The following KCNH5 variants were observed in gnomAD, a reference collection of about 807,000 sequenced individuals.
The protein encoded by KCNH5 is voltage-gated delayed rectifier potassium channel KCNH5.
Under a neutral mutation model 96.1 loss-of-function variants are expected in KCNH5, and 46 were observed. The ratio of observed to expected loss-of-function variants is 0.48; its 90% CI spans 0.38 to 0.61. The LOEUF is 0.61. KCNH5 is among the 20% of genes least tolerant of loss of function. KCNH5 has a pLI of 0.00. For synonymous variants in KCNH5, 439 were observed against 449.8 expected (o/e 0.98, Z 0.30); for missense variants, 907 against 1,225.8 (o/e 0.74, Z 3.88).
chr14:62,707,743 T>G lies in KCNH5; in HGVS notation c.2732A>C (p.Gln911Pro), dbSNP rs1320491999. 6.2e-7 allele frequency: 1 copy of G among 1,613,154 alleles called. No homozygotes were observed. The highest frequency in any genetic ancestry group is 2.2e-5 in the East Asian group (1 of 44,812). ...IPEQALQTTL[Q>P]EVKHELKEDI... ...CTCTTTGAGTTCGTGTTTGACTTCC[T>G]GCAGTGTGGTCTGTAAGGCCTGCTC... The change falls in exon 11 of 11, where the codon CAG (glutamine) becomes CCG (proline). Residue 911 changes from glutamine to proline, a missense_variant. Coordinates refer to ENST00000322893, the MANE Select transcript of KCNH5 (RefSeq NM_139318.5).
chr14:62,949,926 T>C (rs1006919989), intron 7 of KCNH5: 3 of 518,360 alleles, frequency 5.8e-6, no homozygotes, highest in Admixed American at 3.3e-5. Context: ...CACATTAATA[T>C]GTTTTTCACA....
chr14:62,921,112 T>G (rs1036564679), intron 7 of KCNH5, among the ~76,000 whole-genome samples: 6 of 152,088 alleles, frequency 3.9e-5, no homozygotes, highest in African/African-American at 1.2e-4. Flanking sequence ...GTTGTAGAGC[T>G]GCAAAACGTG....
rs767049623 is a variant in KCNH5 at position 62,950,514 on chromosome 14, G to T, written c.988C>A (p.Arg330=). 2.5e-6 allele frequency: 4 copies of T among 1,604,842 alleles called. No individual in the cohort carries two copies. The highest frequency in any genetic ancestry group is 2.2e-5 in the South Asian group (2 of 90,990). ...FSSLKVVRLL[R]LGRVARKLDH... ...AGTTTCCTAGCCACACGGCCCAGTCGTAAGAGACGCACCACTTTTAAAGAA... is the reference window on the plus strand; with the variant it reads ...AGTTTCCTAGCCACACGGCCCAGTCTTAAGAGACGCACCACTTTTAAAGAA... Residue 330 remains arginine (R), a synonymous_variant, in exon 7 of 11, where the codon CGA becomes AGA. Coordinates refer to ENST00000322893, the MANE Select transcript of KCNH5 (RefSeq NM_139318.5).
intron 8 of KCNH5, among the ~76,000 whole-genome samples, chr14:62,814,782 C>CAAAAAAA (rs71120235): frequency 0.099 from 3,346 of 33,716 alleles, 858 homozygotes; most frequent in Middle Eastern, 0.19. Context: ...GACTCCATCT[C>CAAAAAAA]AAAAAAAAAA....
At chr14:62,833,670 T>C (rs1887406894) in intron 8 of KCNH5, among the ~76,000 whole-genome samples, 1 of 152,066 alleles carries the variant, frequency 6.6e-6, no homozygotes, top group Non-Finnish European at 1.5e-5. Context: ...ACTTTTTAAA[T>C]AGTTAATTCT....
chr14:62,818,105 G>A (rs1887031536), intron 8 of KCNH5, among the ~76,000 whole-genome samples: 1 of 78,310 alleles, frequency 1.3e-5, no homozygotes, highest in Non-Finnish European at 2.8e-5. Context: ...CCAGGAGCTG[G>A]GGGCGGGGGG....
At chr14:62,811,602 T>C (rs1886874387) in intron 8 of KCNH5, among the ~76,000 whole-genome samples, 1 of 152,066 alleles carries the variant, frequency 6.6e-6, no homozygotes, top group Admixed American at 6.6e-5. Flanking sequence ...AAAATGAGAG[T>C]AAGAGGTGTT....
chr14:63,010,472 G>A (rs1891204664), intron 2 of KCNH5, among the ~76,000 whole-genome samples: 1 of 152,122 alleles, frequency 6.6e-6, no homozygotes, highest in Non-Finnish European at 1.5e-5. Flanking sequence ...AGGGAGATGT[G>A]CATGGTTCTG....
chr14:62,708,389 C>T lies in KCNH5; in HGVS notation c.2086G>A (p.Val696Met), dbSNP rs761955372. 1 of 1,613,016 alleles carries T rather than the reference C, an allele frequency of 6.2e-7. No individual in the cohort carries two copies. The change falls in exon 11 of 11, where the codon GTG becomes ATG. Residue 696 changes from valine (V) to methionine (M), a missense_variant. Physicochemically the swap from Val to Met is conservative, Grantham distance 21 (BLOSUM62 1). Transcript: ENST00000322893. ...EEERLRQKNE[V>M]TLSIPVDHPV... is the part of the protein sequence containing the mutation. ...TGGTCCACGGGAATGCTGAGGGTCA[C>T]CTCATTCTTCTGCCGGAGGCGCTCC...
At chr14:62,720,595 A>C (rs1167935144) in intron 10 of KCNH5, among the ~76,000 whole-genome samples, 4 of 152,174 alleles carry the variant, frequency 2.6e-5, no homozygotes, top group Non-Finnish European at 5.9e-5. Context: ...AAAAGAAAAA[A>C]AGAGACTTTT....
intron 1 of KCNH5, among the ~76,000 whole-genome samples, chr14:63,025,026 A>T (rs1891499762): frequency 6.6e-6 from 1 of 152,142 alleles, no homozygotes; most frequent in South Asian, 2.1e-4. Flanking sequence ...ACATAGAAGG[A>T]TAATTCACCA....
At chr14:62,897,901 G>A (rs1220089836) in intron 7 of KCNH5, among the ~76,000 whole-genome samples, 2 of 152,042 alleles carry the variant, frequency 1.3e-5, no homozygotes, top group Non-Finnish European at 2.9e-5. Context: ...CATGGAAATG[G>A]AGCATGGCAA....
rs532073055 is a variant in KCNH5 at position 62,831,798 on chromosome 14, T to A, written c.1569+17855A>T. 1.2e-4 allele frequency among the ~76,000 whole-genome samples: 18 copies of A among 152,306 alleles called. No individual in the cohort carries two copies. The South Asian group carries it at 3.5e-3, about 30-fold the overall frequency. Reference sequence around the variant, plus strand: ...ATCATGGCTTCCTGCAGCCTCAACCTCCCTGGCTCAAGAAATCCTCCCACC... The same window carrying A: ...ATCATGGCTTCCTGCAGCCTCAACCACCCTGGCTCAAGAAATCCTCCCACC... On this transcript the variant is annotated intron_variant, in intron 8 of 10. Transcript: ENST00000322893.
chr14:62,897,922 A>G (rs368325225), intron 7 of KCNH5, among the ~76,000 whole-genome samples: 41 of 152,220 alleles, frequency 2.7e-4, no homozygotes, highest in African/African-American at 9.4e-4. Flanking sequence ...ACCAATACTA[A>G]CCACAGAGGA....
At chr14:62,933,005 G>A (rs1314019865) in intron 7 of KCNH5, among the ~76,000 whole-genome samples, 1 of 152,060 alleles carries the variant, frequency 6.6e-6, no homozygotes, top group Admixed American at 6.6e-5. Flanking sequence ...AACAGATATA[G>A]GAAACAATGG....
intron 7 of KCNH5, among the ~76,000 whole-genome samples, chr14:62,861,563 T>A (rs907515976): frequency 6.6e-6 from 1 of 152,034 alleles, no homozygotes; most frequent in African/African-American, 2.4e-5. Flanking sequence ...CATGTCTTTG[T>A]CGCTTCTATT....
chr14:62,699,681 T>G lies in KCNH5; in HGVS notation c.*7827A>C, dbSNP rs137868852. ...AATAAAGTGATAATCACCACAAACT[T>G]CCCAGAAGCAACTGAATTTTGATCA... On this transcript the variant is annotated 3_prime_UTR_variant, in exon 11 of 11. Coordinates refer to ENST00000322893, the MANE Select transcript of KCNH5 (RefSeq NM_139318.5). 1.1e-4 allele frequency: 17 copies of G among 152,278 alleles called. No homozygotes were observed. The East Asian group carries it at 3.3e-3, about 29-fold the overall frequency. The allele number at this position is 152,278 out of a possible 1,614,324, so 9.4% of individuals were successfully genotyped here.
intron 7 of KCNH5, among the ~76,000 whole-genome samples, chr14:62,920,156 A>G (rs1306665197): frequency 6.6e-6 from 1 of 152,048 alleles, no homozygotes; most frequent in Admixed American, 6.6e-5. Context: ...TAGGATACCA[A>G]CTCCTATGGG....
chr14:62,961,667 T>G (rs546339946), intron 6 of KCNH5, among the ~76,000 whole-genome samples: 8 of 152,050 alleles, frequency 5.3e-5, no homozygotes, highest in African/African-American at 1.7e-4. Context: ...CAGGACATGA[T>G]GGACATGAAA....
Sources: gnomAD v4.1 joint callset for allele counts (sites outside exome capture counted in the v4.1 genomes callset) on GRCh38, gnomAD v4.1.1 for gene constraint, MANE v1.5 for transcripts, NCBI Gene and HGNC (gene_info 2026-07-23, HGNC 2026-07-21) for gene names.